Variants in GPC6 observed in about 807,000 individuals in gnomAD.
The protein encoded by GPC6 is glypican 6.
GPC6 carries 14 observed loss-of-function variants against 55.2 expected under a neutral mutation model. The ratio of observed to expected loss-of-function variants is 0.25; its 90% CI spans 0.17 to 0.40. GPC6 has a LOEUF of 0.40. Among genes scored for constraint, GPC6 ranks in the 10% least tolerant of loss-of-function variants. The probability of loss-of-function intolerance (pLI) is 1.00; values close to 1 mark genes in which losing one functional copy is unlikely to be tolerated. For missense variants in GPC6, 641 were observed against 708.5 expected, an observed-to-expected ratio of 0.90 and a Z score of 1.08; for synonymous variants, 278 against 259.6, an observed-to-expected ratio of 1.07 and a Z score of -0.68.
chr13:93,833,519 C>A (rs1335522031), intron 3 of GPC6, among the ~76,000 whole-genome samples: 1 of 151,864 alleles, frequency 6.6e-6, no homozygotes, highest in Non-Finnish European at 1.5e-5. Context: ...AAGCAAAATT[C>A]CCAAATGGAG....
chr13:94,399,144 T>A (rs900988533), intron 8 of GPC6, among the ~76,000 whole-genome samples: 22 of 152,244 alleles, frequency 1.4e-4, no homozygotes, highest in African/African-American at 5.1e-4. Context: ...GAAGCATCCC[T>A]GCTTCAGAGG....
intron 2 of GPC6, among the ~76,000 whole-genome samples, chr13:93,586,703 T>C (rs1877217371): frequency 1.3e-5 from 2 of 152,132 alleles, no homozygotes; most frequent in African/African-American, 4.8e-5. Flanking sequence ...TTTTATCAAA[T>C]TACAGTAATT....
At position 94,406,918 on chromosome 13, in the gene GPC6, G is replaced by A. The variant is rs886050362; in HGVS notation, c.*3701G>A. The A allele has an allele frequency of 6.6e-6, 1 of 152,060 alleles. No individual in the cohort carries two copies. The highest frequency in any genetic ancestry group is 6.6e-5 in the Admixed American group (1 of 15,260). The allele number at this position is 152,060 out of a possible 1,614,324, so 9.4% of individuals were successfully genotyped here. ...CATTTACTTACTAACGAACAGACCT[G>A]ATTTTTATTTAAAAACACAATTTAG... is the stretch of plus-strand genomic sequence containing the variant. On this transcript the variant is annotated 3_prime_UTR_variant, in exon 9 of 9. Transcript: ENST00000377047.
chr13:94,399,980 A>T (rs1881059853), intron 8 of GPC6, among the ~76,000 whole-genome samples: 1 of 152,198 alleles, frequency 6.6e-6, no homozygotes, highest in Non-Finnish European at 1.5e-5. Context: ...GAATAATTCA[A>T]GATACATAAG....
At chr13:94,087,633 C>T (rs929522290) in intron 4 of GPC6, among the ~76,000 whole-genome samples, 3 of 152,170 alleles carry the variant, frequency 2.0e-5, no homozygotes, top group Non-Finnish European at 1.5e-5. Context: ...GATTTAGTAA[C>T]CTGCCAAAAG....
At chr13:93,419,879 G>T (rs1051144845) in intron 1 of GPC6, among the ~76,000 whole-genome samples, 1 of 152,106 alleles carries the variant, frequency 6.6e-6, no homozygotes, top group South Asian at 2.1e-4. Context: ...TATGAAATTG[G>T]TCTGCCCTAC....
chr13:93,615,540 G>A (rs1222488071), intron 2 of GPC6, among the ~76,000 whole-genome samples: 2 of 152,020 alleles, frequency 1.3e-5, no homozygotes, highest in African/African-American at 4.8e-5. Context: ...TGGGCTATTT[G>A]GGCAGCAGCC....
intron 2 of GPC6, among the ~76,000 whole-genome samples, chr13:93,689,437 A>G (rs983150682): frequency 2.6e-5 from 4 of 152,104 alleles, no homozygotes; most frequent in African/African-American, 9.6e-5. Context: ...AGTGCAAAAC[A>G]AGGAGTATCA....
At chr13:93,544,894 CCTTA>C (rs1408242071) in intron 1 of GPC6, among the ~76,000 whole-genome samples, 6 of 152,022 alleles carry the variant, frequency 3.9e-5, no homozygotes, top group African/African-American at 1.2e-4. Flanking sequence ...GTGTCTTTTG[CCTTA>C]CTTGAGGTTT....
chr13:94,165,020 A>G (rs1398093074), intron 4 of GPC6, among the ~76,000 whole-genome samples: 3 of 151,996 alleles, frequency 2.0e-5, no homozygotes, highest in Non-Finnish European at 4.4e-5. Flanking sequence ...TAGAACTACC[A>G]TTCAATCCAG....
intron 4 of GPC6, among the ~76,000 whole-genome samples, chr13:94,108,114 A>G (rs1886120616): frequency 6.6e-6 from 1 of 152,182 alleles, no homozygotes; most frequent in African/African-American, 2.4e-5. Context: ...ACAATTCGCA[A>G]CTGCAAAAAT....
chr13:94,244,014 C>T (rs1014530455), intron 4 of GPC6, among the ~76,000 whole-genome samples: 3 of 152,090 alleles, frequency 2.0e-5, no homozygotes, highest in Admixed American at 6.6e-5. Context: ...AAAGTAAAAG[C>T]ACTTATTATT....
intron 3 of GPC6, among the ~76,000 whole-genome samples, chr13:93,909,901 G>A (rs1377921779): frequency 6.6e-6 from 1 of 151,584 alleles, no homozygotes; most frequent in African/African-American, 2.4e-5. Context: ...CTGCTCTCAG[G>A]TTCCATCCAA....
chr13:93,479,487 C>G (rs1481063569), intron 1 of GPC6, among the ~76,000 whole-genome samples: 1 of 152,074 alleles, frequency 6.6e-6, no homozygotes, highest in Non-Finnish European at 1.5e-5. Flanking sequence ...TAGCGCTGTT[C>G]AGCATGGGAT....
chr13:93,242,915 C>G (rs571924752), intron 1 of GPC6, among the ~76,000 whole-genome samples: 7 of 152,164 alleles, frequency 4.6e-5, no homozygotes, highest in African/African-American at 1.4e-4. Flanking sequence ...TACAAGGGAT[C>G]CTGTGATGTG....
intron 3 of GPC6, among the ~76,000 whole-genome samples, chr13:93,998,063 G>A (rs969505236): frequency 3.3e-5 from 5 of 152,126 alleles, no homozygotes; most frequent in South Asian, 2.1e-4. Flanking sequence ...AAGAGAAATC[G>A]AAAGCACTTA....
intron 1 of GPC6, among the ~76,000 whole-genome samples, chr13:93,426,003 C>G: frequency 6.6e-6 from 1 of 152,188 alleles, no homozygotes; most frequent in East Asian, 1.9e-4. Context: ...TCTTTGAAGC[C>G]TTTACCACCT....
chr13:94,310,862 T>C (rs1876207980), intron 6 of GPC6, among the ~76,000 whole-genome samples: 1 of 152,174 alleles, frequency 6.6e-6, no homozygotes, highest in South Asian at 2.1e-4. Flanking sequence ...GTAGTCCGCC[T>C]GGAAAACTAG....
chr13:93,449,446 G>A (rs1162007707), intron 1 of GPC6, among the ~76,000 whole-genome samples: 3 of 152,130 alleles, frequency 2.0e-5, no homozygotes, highest in Non-Finnish European at 4.4e-5. Context: ...TGTTGGCTGG[G>A]TTAGTCTCCT....
Sources: gnomAD v4.1 joint callset for allele counts (sites outside exome capture counted in the v4.1 genomes callset) on GRCh38, gnomAD v4.1.1 for gene constraint, MANE v1.5 for transcripts, NCBI Gene and HGNC (gene_info 2026-07-23, HGNC 2026-07-21) for gene names.